PRRG1: variants seen among roughly 807,000 people sequenced by gnomAD.
The protein encoded by PRRG1 is transmembrane gamma-carboxyglutamic acid protein 1.
In PRRG1, 5 loss-of-function variants were observed where a neutral mutation model predicts 11.8. That is an observed-to-expected ratio of 0.42 (90% CI 0.22 to 0.89). PRRG1 has a LOEUF of 0.89. Among genes scored for constraint, PRRG1 ranks in the 40% least tolerant of loss-of-function variants. The pLI, the probability that PRRG1 is intolerant of heterozygous loss-of-function variation, is 0.28. For missense variants in PRRG1, 155 were observed against 166.1 expected (o/e 0.93, Z 0.37); for synonymous variants, 66 against 60.4 (o/e 1.09, Z -0.43).
chrX:37,455,723 C>G lies in PRRG1; in HGVS notation c.*2102C>G, dbSNP rs1556398191. ...TTTTACTTTTGCCATGAGTACACATCAGATATCTTTGGCTTCTATTTAAAG... is the reference window on the plus strand; with the variant it reads ...TTTTACTTTTGCCATGAGTACACATGAGATATCTTTGGCTTCTATTTAAAG... On this transcript the variant is annotated 3_prime_UTR_variant, in exon 4 of 4. Transcript: ENST00000378628. 8.9e-6 allele frequency: 1 copy of G among 112,744 alleles called. No individual in the cohort carries two copies. The allele number at this position is 112,744 out of a possible 1,213,427, so 9.3% of individuals were successfully genotyped here. A position where few individuals can be genotyped will look rare whatever the true frequency, so the allele number is the denominator to read the frequency against.
intron 3 of PRRG1, among the ~76,000 whole-genome samples, chrX:37,452,077 A>AT (rs1921161986): frequency 8.9e-6 from 1 of 112,454 alleles, no homozygotes; most frequent in Non-Finnish European, 1.9e-5. Context: ...TCAGTGACCC[A>AT]TAATACCTGC....
chrX:37,420,878 GTAAATAAATAAA>G (rs1227555970), intron 2 of PRRG1, among the ~76,000 whole-genome samples: 1 of 108,866 alleles, frequency 9.2e-6, no homozygotes, highest in Non-Finnish European at 1.9e-5. Context: ...GAATAAATAA[GTAAATAAATAAA>G]TAAATAAATA....
At position 37,453,692 on chromosome X, in the gene PRRG1, T is replaced by C; in HGVS notation, c.*71T>C. On this transcript the variant is annotated 3_prime_UTR_variant, in exon 4 of 4. Coordinates refer to ENST00000378628, the MANE Select transcript of PRRG1 (RefSeq NM_001142395.2). ...GAAGAACTTTCTAGCACTTTACCAC[T>C]ACATAAATGTTCATTGACTTATTTT... 1.0e-6 allele frequency: 1 copy of C among 989,692 alleles called. No individual in the cohort carries two copies. The highest frequency in any genetic ancestry group is 3.3e-5 in the East Asian group (1 of 30,721). The allele number at this position is 989,692 out of a possible 1,213,427, so 81.6% of individuals were successfully genotyped here. A position where few individuals can be genotyped will look rare whatever the true frequency, so the allele number is the denominator to read the frequency against.
chrX:37,428,450 C>T (rs781890132), intron 3 of PRRG1, among the ~76,000 whole-genome samples: 4 of 111,527 alleles, frequency 3.6e-5, no homozygotes, highest in African/African-American at 1.3e-4. Flanking sequence ...GTATACAGGC[C>T]CTTTGCAAAT....
intron 1 of PRRG1, among the ~76,000 whole-genome samples, chrX:37,393,267 T>G (rs1186248101): frequency 9.2e-6 from 1 of 108,577 alleles, no homozygotes; most frequent in Non-Finnish European, 1.9e-5. Context: ...ATAATATACT[T>G]TTATAATGTA....
At chrX:37,400,605 C>T (rs1166441970) in intron 1 of PRRG1, among the ~76,000 whole-genome samples, 1 of 111,112 alleles carries the variant, frequency 9.0e-6, no homozygotes, top group Non-Finnish European at 1.9e-5. Flanking sequence ...ATTCAAAAGC[C>T]AGCAGAAGGC....
At chrX:37,398,856 C>T (rs1165622189) in intron 1 of PRRG1, among the ~76,000 whole-genome samples, 19 of 110,513 alleles carry the variant, frequency 1.7e-4, no homozygotes, top group African/African-American at 4.6e-4. Context: ...GGAGCCGATG[C>T]GATCAACTGG....
rs1378821719 is a variant in PRRG1 at position 37,456,185 on chromosome X, T to C, written c.*2564T>C. 2 of 112,052 alleles carry C rather than the reference T, an allele frequency of 1.8e-5. No homozygotes were observed. The highest frequency in any genetic ancestry group is 6.5e-5 in the African/African-American group (2 of 30,856). The allele number at this position is 112,052 out of a possible 1,213,427, so 9.2% of individuals were successfully genotyped here. On this transcript the variant is annotated 3_prime_UTR_variant, in exon 4 of 4. Transcript: ENST00000378628. ...TTAGTATGGTGAATATTGATAGATA[T>C]AAACCTCATGAACAAAAGTACTTTG...
At chrX:37,380,936 C>T (rs1245496739) in intron 1 of PRRG1, among the ~76,000 whole-genome samples, 1 of 111,644 alleles carries the variant, frequency 9.0e-6, no homozygotes, top group Non-Finnish European at 1.9e-5. Context: ...TTTCCACAAA[C>T]TGCTTCTGGG....
intron 2 of PRRG1, among the ~76,000 whole-genome samples, chrX:37,416,796 G>A (rs1348351153): frequency 5.4e-5 from 6 of 112,128 alleles, no homozygotes; most frequent in Non-Finnish European, 1.1e-4. Flanking sequence ...ATTTCATGAC[G>A]AATTCTTTTT....
At chrX:37,370,908 G>A (rs1930742333) in intron 1 of PRRG1, among the ~76,000 whole-genome samples, 1 of 111,927 alleles carries the variant, frequency 8.9e-6, no homozygotes, top group East Asian at 2.8e-4. Flanking sequence ...TCAAGGGGGA[G>A]CTGAGAGCAG....
chrX:37,373,505 A>C (rs1449374100), intron 1 of PRRG1, among the ~76,000 whole-genome samples: 1 of 111,880 alleles, frequency 8.9e-6, no homozygotes. Flanking sequence ...CACAACTTTT[A>C]CATCCTTGGT....
chrX:37,438,000 G>A (rs1352079646), intron 3 of PRRG1, among the ~76,000 whole-genome samples: 1 of 109,964 alleles, frequency 9.1e-6, no homozygotes, highest in Non-Finnish European at 1.9e-5. Context: ...GTGAGGTCAG[G>A]AGTTCGAGAC....
intron 1 of PRRG1, among the ~76,000 whole-genome samples, chrX:37,401,398 A>G (rs1445129764): frequency 8.1e-5 from 9 of 111,476 alleles, no homozygotes; most frequent in Admixed American, 5.7e-4. Context: ...TGATTATCTC[A>G]ATAGATGCAG....
chrX:37,426,140 A>G (rs1602024618), intron 3 of PRRG1, 140 bp downstream of exon 3: 5 of 656,170 alleles, frequency 7.6e-6, no homozygotes, highest in Non-Finnish European at 1.1e-5. Context: ...GCATCTAACT[A>G]GTAATATTCT....
chrX:37,403,756 T>C, intron 1 of PRRG1: 1 of 753,711 alleles, frequency 1.3e-6, no homozygotes, highest in South Asian at 6.7e-5. Flanking sequence ...GGAAAGATCA[T>C]TCCATCAGAA....
At chrX:37,443,894 A>G (rs1286290358) in intron 3 of PRRG1, among the ~76,000 whole-genome samples, 1 of 112,089 alleles carries the variant, frequency 8.9e-6, no homozygotes, top group Non-Finnish European at 1.9e-5. Context: ...TAGATTATGC[A>G]TGTTTCTGAA....
At chrX:37,406,880 A>G (rs782150253) in intron 2 of PRRG1, among the ~76,000 whole-genome samples, 82 of 111,855 alleles carry the variant, frequency 7.3e-4, no homozygotes, top group Admixed American at 1.6e-3. Context: ...AATGTATATC[A>G]TGTCAACCTA....
chrX:37,404,679 C>T (rs1264962291), intron 1 of PRRG1, among the ~76,000 whole-genome samples: 2 of 111,101 alleles, frequency 1.8e-5, no homozygotes, highest in Non-Finnish European at 1.9e-5. Context: ...AAGAGTTCCA[C>T]CCTAACCCAT....
Sources: gnomAD v4.1 joint callset for allele counts (sites outside exome capture counted in the v4.1 genomes callset) on GRCh38, gnomAD v4.1.1 for gene constraint, MANE v1.5 for transcripts, NCBI Gene and HGNC (gene_info 2026-07-23, HGNC 2026-07-21) for gene names.